ABCA5: variants seen among roughly 807,000 people sequenced by gnomAD.
ABCA5 encodes the protein cholesterol transporter ABCA5.
ABCA5 carries 163 observed loss-of-function variants against 206.0 expected under a neutral mutation model. The ratio of observed to expected loss-of-function variants is 0.79; its 90% CI spans 0.70 to 0.90. ABCA5 has a LOEUF of 0.90. Among genes scored for constraint, ABCA5 ranks in the 40% least tolerant of loss-of-function variants. ABCA5 has a pLI of 0.00. For synonymous variants in ABCA5, 609 were observed against 613.8 expected (o/e 0.99, Z 0.11); for missense variants, 1,859 against 1,912.9 (o/e 0.97, Z 0.53).
chr17:69,308,080 T>G (rs2075736141), intron 5 of ABCA5, among the ~76,000 whole-genome samples, 200 bp downstream of exon 5: 1 of 151,938 alleles, frequency 6.6e-6, no homozygotes. Flanking sequence ...CATGGCCAGT[T>G]TTTCTGCTAA....
intron 23 of ABCA5, 26 bp downstream of exon 23, chr17:69,267,917 T>G (rs749786843): frequency 7.4e-7 from 1 of 1,346,962 alleles, no homozygotes; most frequent in East Asian, 2.3e-5. Flanking sequence ...TATTAGCAAA[T>G]TATATATTTT....
chr17:69,274,039 A>T lies in ABCA5; in HGVS notation c.2684T>A (p.Leu895His), dbSNP rs766277585. The change falls in exon 20 of 39, where the codon CTT becomes CAT. Residue 895 changes from leucine to histidine, a missense_variant. Coordinates refer to ENST00000392676, the MANE Select transcript of ABCA5 (RefSeq NM_172232.4). Reference protein sequence around the residue: ...SFKNAVVPIKLVPDLYFLKPG... With the variant: ...SFKNAVVPIKHVPDLYFLKPG... ...TTTTAGAAAATATAAGTCTGGAACA[A>T]GTTTGATGGGAACCACAGCATTTTT... The T allele has an allele frequency of 3.4e-5, 54 of 1,611,730 alleles. No individual in the cohort carries two copies. The highest frequency in any genetic ancestry group is 4.3e-5 in the Non-Finnish European group (51 of 1,179,270).
chr17:69,255,582 A>G lies in ABCA5; in HGVS notation c.4029T>C (p.Ile1343=), dbSNP rs776966265. 32 of 1,582,664 alleles carry G rather than the reference A, an allele frequency of 2.0e-5. No individual in the cohort carries two copies. Among genetic ancestry groups the G allele is most frequent in the Non-Finnish European group, 2.6e-5 (30 of 1,170,776 alleles). The change falls in exon 31 of 39, where the codon ATT becomes ATC. Residue 1343 remains isoleucine (I), a synonymous_variant. Transcript: ENST00000392676. ...GTTCAATATCACCAACCAGAATATT[A>G]ATAATTGTGCTTTTGCCAGCACCAT... ...GPNGAGKSTI[I]NILVGDIEPT...
rs1309574803 is a variant in ABCA5, at chr17:69,253,734, A to G, written c.4320+60T>C. On this transcript the variant is annotated intron_variant, in intron 33 of 38. Transcript: ENST00000392676. ...TCACTATAAGGAATCTATCAAGACA[A>G]TATCAGGTACTAAACTATCAATAAA... The G allele has an allele frequency of 1.9e-6, 3 of 1,575,470 alleles. No individual in the cohort carries two copies. In the African/African-American group the frequency reaches 4.1e-5, roughly 21 times the overall value.
intron 1 of ABCA5, chr17:69,325,670 TC>T (rs2075892749): frequency 6.6e-6 from 1 of 152,136 alleles, no homozygotes; most frequent in South Asian, 2.1e-4. Context: ...TAGCAAGACT[TC>T]GTCTCTGAAA....
intron 27 of ABCA5, 108 bp downstream of exon 27, chr17:69,260,230 G>A: frequency 3.9e-6 from 3 of 778,570 alleles, no homozygotes; most frequent in Non-Finnish European, 6.0e-6. Flanking sequence ...AACTTTTTAT[G>A]CACCTTCTTT....
In ABCA5 at chr17:69,274,068, A is replaced by G. The variant is rs137864439; in HGVS notation, c.2655T>C (p.Ser885=). ...TGATGGGAACCACAGCATTTTTAAA[A>G]GAGTGATGAACCAAAAACATAAAAA... is the stretch of plus-strand genomic sequence containing the variant. The part of the protein sequence containing the change: ...VQIFMFLVHH[S]FKNAVVPIKL... Residue 885 remains serine, a synonymous_variant, in exon 20 of 39, where the codon TCT becomes TCC. Coordinates refer to ENST00000392676, the MANE Select transcript of ABCA5 (RefSeq NM_172232.4). The G allele has an allele frequency of 7.0e-4, 1,120 of 1,609,288 alleles. 23 individuals carry two copies. The South Asian group carries it at 0.011, about 16-fold the overall frequency.
intron 19 of ABCA5, among the ~76,000 whole-genome samples, chr17:69,277,167 A>C (rs2075341972): frequency 6.6e-6 from 1 of 152,192 alleles, no homozygotes; most frequent in Non-Finnish European, 1.5e-5. Flanking sequence ...TTTATTTTTC[A>C]GTTTCCTCAT....
intron 18 of ABCA5, among the ~76,000 whole-genome samples, chr17:69,279,777 TG>T (rs1272073644): frequency 6.6e-6 from 1 of 152,172 alleles, no homozygotes; most frequent in Admixed American, 6.5e-5. Context: ...AAACGAGCAA[TG>T]GGGAAAGGAT....
At chr17:69,283,619 T>C (rs2075420102) in intron 18 of ABCA5, among the ~76,000 whole-genome samples, 3 of 152,170 alleles carry the variant, frequency 2.0e-5, no homozygotes. Context: ...GACATCCAAC[T>C]CATTCCTCAG....
At chr17:69,304,599 G>T in intron 7 of ABCA5, 70 bp downstream of exon 7, 2 of 1,310,248 alleles carry the variant, frequency 1.5e-6, no homozygotes, top group South Asian at 2.0e-5. Context: ...GTAAACTGAA[G>T]AAAAAGACTT....
In ABCA5 at chr17:69,299,412, C is replaced by G. The variant is rs553770105; in HGVS notation, c.1267+1727G>C. On this transcript the variant is annotated intron_variant, in intron 9 of 38. Transcript: ENST00000392676. Reference sequence around the variant, plus strand: ...ATTCACAATTACAAAAATATGGAACCAACCTAAATGCCCATCCCAACAACT... The same window carrying G: ...ATTCACAATTACAAAAATATGGAACGAACCTAAATGCCCATCCCAACAACT... Among the ~76,000 whole-genome samples the G allele has an allele frequency of 4.6e-5, 7 of 150,826 alleles. No homozygotes were observed. In the South Asian group the frequency reaches 1.5e-3, roughly 32 times the overall value.
At chr17:69,287,472 A>C in intron 15 of ABCA5, 141 bp downstream of exon 15, 1 of 1,194,768 alleles carries the variant, frequency 8.4e-7, no homozygotes, top group Non-Finnish European at 1.1e-6. Context: ...ATCATTTTAA[A>C]ATTTTTTAGA....
At chr17:69,305,973 GATTA>G (rs932661749) in intron 6 of ABCA5, among the ~76,000 whole-genome samples, 12 of 152,136 alleles carry the variant, frequency 7.9e-5, no homozygotes, top group African/African-American at 1.7e-4. Context: ...AAGTGTTAAT[GATTA>G]ATTGTTACAT....
In ABCA5 at chr17:69,251,823, T is replaced by C. The variant is rs533376511; in HGVS notation, c.4459A>G (p.Ile1487Val). ...TCCTCCATATAGTGAGTGGTCAGAA[T>C]AGCAGCCCGCTTTCTGTTTTTAAAT... ...TAFKNRKRAAILTTHYMEEAE... is the reference protein window; with the variant it reads ...TAFKNRKRAAVLTTHYMEEAE... The change falls in exon 35 of 39, where the codon ATT (isoleucine) becomes GTT (valine). Residue 1487 changes from isoleucine to valine, a missense_variant. Coordinates refer to ENST00000392676, the MANE Select transcript of ABCA5 (RefSeq NM_172232.4). 1.9e-5 allele frequency: 31 copies of C among 1,613,816 alleles called. No homozygotes were observed. Among genetic ancestry groups the C allele is most frequent in the African/African-American group, 8.0e-5 (6 of 74,896 alleles).
intron 3 of ABCA5, among the ~76,000 whole-genome samples, chr17:69,309,954 GTTATAC>G (rs1281808083): frequency 1.3e-5 from 2 of 152,076 alleles, no homozygotes; most frequent in Non-Finnish European, 2.9e-5. Flanking sequence ...ATGTGTCAGT[GTTATAC>G]TTATGTTATA....
chr17:69,312,940 G>A (rs1044453017), intron 3 of ABCA5, 152 bp downstream of exon 3: 1 of 417,324 alleles, frequency 2.4e-6, no homozygotes, highest in Non-Finnish European at 4.2e-6. Flanking sequence ...TAAGGCAACA[G>A]AATTAAATAA....
intron 20 of ABCA5, among the ~76,000 whole-genome samples, chr17:69,272,319 C>T (rs2075282297): frequency 6.6e-6 from 1 of 152,026 alleles, no homozygotes; most frequent in African/African-American, 2.4e-5. Context: ...TATATACACA[C>T]AGAGGCCAGT....
intron 28 of ABCA5, among the ~76,000 whole-genome samples, 196 bp from the exon 29 acceptor site, chr17:69,256,479 G>T (rs2075083123): frequency 6.7e-6 from 1 of 148,320 alleles, no homozygotes. Context: ...TTTAAGACAG[G>T]GTCTCACACT....
Sources: gnomAD v4.1 joint callset for allele counts (sites outside exome capture counted in the v4.1 genomes callset) on GRCh38, gnomAD v4.1.1 for gene constraint, MANE v1.5 for transcripts, NCBI Gene and HGNC (gene_info 2026-07-23, HGNC 2026-07-21) for gene names.